SLC44A2: variants seen among roughly 807,000 people sequenced by gnomAD.
SLC44A2 encodes the protein choline transporter-like protein 2.
Under a neutral mutation model 90.8 loss-of-function variants are expected in SLC44A2, and 57 were observed. The ratio of observed to expected loss-of-function variants is 0.63; its 90% CI spans 0.51 to 0.78. The LOEUF (loss-of-function observed/expected upper bound fraction) is 0.78. SLC44A2 is among the 30% of genes least tolerant of loss of function. The pLI, the probability that SLC44A2 is intolerant of heterozygous loss-of-function variation, is 0.00. For synonymous variants in SLC44A2, 355 were observed against 360.7 expected, an observed-to-expected ratio of 0.98 and a Z score of 0.18; for missense variants, 794 against 919.7, an observed-to-expected ratio of 0.86 and a Z score of 1.77.
chr19:10,634,951 G>A (rs368332152), intron 11 of SLC44A2, 23 bp from the exon 12 acceptor site: 33 of 1,613,958 alleles, frequency 2.0e-5, no homozygotes, highest in African/African-American at 1.1e-4. Context: ...GAGCCCAGCC[G>A]GCTCAGCCTT....
chr19:10,633,140 T>G (rs1483746188), intron 10 of SLC44A2, among the ~76,000 whole-genome samples: 3 of 151,930 alleles, frequency 2.0e-5, no homozygotes, highest in African/African-American at 7.3e-5. Flanking sequence ...CTTCATATTT[T>G]GGATTTTTGT....
At chr19:10,616,661 T>A (rs1568444423) in intron 1 of SLC44A2, among the ~76,000 whole-genome samples, 1 of 151,882 alleles carries the variant, frequency 6.6e-6, no homozygotes, top group Admixed American at 6.6e-5. Context: ...GGTCAGGAGT[T>A]CAAGACCAGC....
intron 1 of SLC44A2, among the ~76,000 whole-genome samples, chr19:10,608,754 A>G (rs1415251656): frequency 6.6e-6 from 1 of 151,626 alleles, no homozygotes; most frequent in Non-Finnish European, 1.5e-5. Context: ...GGTTTAAGCA[A>G]TTCTCCTGCC....
intron 1 of SLC44A2, among the ~76,000 whole-genome samples, chr19:10,615,723 G>A (rs1021439999): frequency 2.6e-5 from 4 of 152,180 alleles, no homozygotes; most frequent in African/African-American, 7.2e-5. Flanking sequence ...TGTGTTGTTG[G>A]AAGGTTAACT....
chr19:10,637,598 C>A, intron 16 of SLC44A2, 46 bp from the exon 17 acceptor site: 1 of 1,538,498 alleles, frequency 6.5e-7, no homozygotes, highest in Non-Finnish European at 9.0e-7. Context: ...CCTTCCAAGT[C>A]AGGCTGGTGT....
intron 14 of SLC44A2, 40 bp from the exon 15 acceptor site, chr19:10,636,283 G>A: frequency 6.3e-7 from 1 of 1,581,372 alleles, no homozygotes. Context: ...TGAACCCCTG[G>A]TGCCTCTTTT....
chr19:10,612,870 CTCTGCT>C, intron 1 of SLC44A2, among the ~76,000 whole-genome samples: 1 of 152,330 alleles, frequency 6.6e-6, no homozygotes, highest in South Asian at 2.1e-4. Context: ...GCAACGTTAT[CTCTGCT>C]TCTCCCAGTA....
At chr19:10,606,038 C>G (rs1204891183) in intron 1 of SLC44A2, among the ~76,000 whole-genome samples, 1 of 152,022 alleles carries the variant, frequency 6.6e-6, no homozygotes, top group African/African-American at 2.4e-5. Context: ...TCGCTGATGC[C>G]TATAATTCCA....
intron 1 of SLC44A2, among the ~76,000 whole-genome samples, chr19:10,603,293 G>T (rs1396900372): frequency 6.6e-6 from 1 of 152,132 alleles, no homozygotes; most frequent in Non-Finnish European, 1.5e-5. Context: ...GCCCTGTGGT[G>T]CCGCCCTCCC....
At chr19:10,641,401 AAAC>A (rs1193100160) in intron 20 of SLC44A2, 7 of 450,740 alleles carry the variant, frequency 1.6e-5, no homozygotes, top group Non-Finnish European at 2.2e-5. Flanking sequence ...CTCAAAAAAA[AAAC>A]AAAAAAAAAA....
intron 1 of SLC44A2, among the ~76,000 whole-genome samples, chr19:10,612,089 C>T (rs1052120844): frequency 5.3e-5 from 8 of 151,948 alleles, no homozygotes; most frequent in East Asian, 3.9e-4. Context: ...TAGGCTGAGC[C>T]GGGTGTGGTG....
upstream of SLC44A2, among the ~76,000 whole-genome samples, chr19:10,624,580 A>G (rs565328521): frequency 4.7e-4 from 71 of 152,386 alleles, no homozygotes; most frequent in Middle Eastern, 0.01. Flanking sequence ...GGCATGAGCC[A>G]CTGCACCTGG....
chr19:10,631,034 C>A (rs1369878733), intron 4 of SLC44A2, 23 bp from the exon 5 acceptor site: 3 of 1,565,778 alleles, frequency 1.9e-6, no homozygotes, highest in Non-Finnish European at 1.8e-6. Context: ...TAACAGTTTC[C>A]ATTCTCCCTT....
chr19:10,635,284 C>A (rs1310605601), intron 13 of SLC44A2, 29 bp downstream of exon 13: 4 of 1,611,164 alleles, frequency 2.5e-6, no homozygotes, highest in Non-Finnish European at 3.4e-6. Flanking sequence ...TGATCTCTGA[C>A]CCCAGGGATG....
At position 10,636,577 on chromosome 19, in the gene SLC44A2, G is replaced by T. The variant is rs1200210080; in HGVS notation, c.1488G>T (p.Arg496=). 4.4e-6 allele frequency: 7 copies of T among 1,604,724 alleles called. No individual in the cohort carries two copies. The highest frequency in any genetic ancestry group is 5.9e-6 in the Non-Finnish European group (7 of 1,176,720). Residue 496 remains arginine, a synonymous_variant, in exon 15 of 22, where the codon CGG becomes CGT. Coordinates refer to ENST00000335757, the MANE Select transcript of SLC44A2 (RefSeq NM_020428.4). ...TCCCGCTCTTCTCTGCCTTTGGCCG[G>T]GCGCTCAGGTGGGCTGGCGTTGCAG... ...PAFPLFSAFG[R]ALRYHTGSLA...
At chr19:10,641,547 AG>A (rs1466280329) in intron 20 of SLC44A2, 7 of 363,834 alleles carry the variant, frequency 1.9e-5, no homozygotes, top group African/African-American at 1.5e-4. Context: ...GCAGAGGCCC[AG>A]GGGTTAAAGA....
At chr19:10,629,553 C>A (rs1395588564) in intron 4 of SLC44A2, among the ~76,000 whole-genome samples, 1 of 151,208 alleles carries the variant, frequency 6.6e-6, no homozygotes, top group Non-Finnish European at 1.5e-5. Context: ...GCTGGTATTA[C>A]GGGTGTGAGC....
chr19:10,640,338 A>G (rs920829345), intron 20 of SLC44A2, among the ~76,000 whole-genome samples: 21 of 152,016 alleles, frequency 1.4e-4, no homozygotes, highest in African/African-American at 5.1e-4. Context: ...TGATCCACCC[A>G]CCTCGGCCTT....
chr19:10,629,634 G>A (rs1291709623), intron 4 of SLC44A2, among the ~76,000 whole-genome samples: 1 of 151,852 alleles, frequency 6.6e-6, no homozygotes, highest in Non-Finnish European at 1.5e-5. Context: ...CTGTCAGCCA[G>A]TGGCAGGATC....
Sources: gnomAD v4.1 joint callset for allele counts (sites outside exome capture counted in the v4.1 genomes callset) on GRCh38, gnomAD v4.1.1 for gene constraint, MANE v1.5 for transcripts, NCBI Gene and HGNC (gene_info 2026-07-23, HGNC 2026-07-21) for gene names.